VAC14: variants seen among roughly 807,000 people sequenced by gnomAD.
The protein encoded by VAC14 is protein VAC14 homolog.
Under a neutral mutation model 85.3 loss-of-function variants are expected in VAC14, and 47 were observed. The observed-to-expected ratio is 0.55, with a 90% CI of 0.44 to 0.70. VAC14 has a LOEUF of 0.70. Among genes scored for constraint, VAC14 ranks in the 30% least tolerant of loss-of-function variants. The pLI is 0.00. For synonymous variants in VAC14, 447 were observed against 430.5 expected, an observed-to-expected ratio of 1.04 and a Z score of -0.47; for missense variants, 861 against 1,004.3, an observed-to-expected ratio of 0.86 and a Z score of 1.93.
At chr16:70,764,112 G>C (rs1340344881) in intron 10 of VAC14, among the ~76,000 whole-genome samples, 1 of 152,220 alleles carries the variant, frequency 6.6e-6, no homozygotes, top group African/African-American at 2.4e-5. Context: ...AGGAACTGAT[G>C]GCTGTGCTTT....
intron 14 of VAC14, among the ~76,000 whole-genome samples, chr16:70,718,573 T>TA (rs1202785836): frequency 0.037 from 5,236 of 142,826 alleles, 92 homozygotes; most frequent in East Asian, 0.058. Flanking sequence ...GACTCCTTTT[T>TA]AAAAAAAAAA....
intron 9 of VAC14, 129 bp from the exon 10 acceptor site, chr16:70,772,301 C>A: frequency 1.3e-6 from 1 of 770,232 alleles, no homozygotes; most frequent in South Asian, 1.7e-5. Context: ...TCAAAAGGAC[C>A]ATGGCTCTGG....
chr16:70,778,422 C>CTTT (rs539138003), intron 9 of VAC14: 1 of 146,346 alleles, frequency 6.8e-6, no homozygotes, highest in Admixed American at 6.9e-5. Flanking sequence ...TAGGCACTGA[C>CTTT]TTTTTTTTTT....
At chr16:70,692,042 A>G in intron 18 of VAC14, 4 of 984,034 alleles carry the variant, frequency 4.1e-6, no homozygotes, top group Non-Finnish European at 4.8e-6. Flanking sequence ...GCTGGTTTCC[A>G]TGGCGACCTG....
chr16:70,791,251 CT>C (rs933818742), intron 1 of VAC14, among the ~76,000 whole-genome samples: 1 of 152,240 alleles, frequency 6.6e-6, no homozygotes, highest in Non-Finnish European at 1.5e-5. Context: ...ATCCAACCCC[CT>C]GCCTTTCCTG....
intron 12 of VAC14, 78 bp from the exon 13 acceptor site, chr16:70,744,657 G>A: frequency 2.0e-6 from 3 of 1,489,142 alleles, no homozygotes; most frequent in Non-Finnish European, 1.8e-6. Flanking sequence ...GCGGTTGGTG[G>A]CACACAGCCA....
At chr16:70,752,850 G>A (rs908250793) in intron 12 of VAC14, among the ~76,000 whole-genome samples, 5 of 152,282 alleles carry the variant, frequency 3.3e-5, no homozygotes, top group African/African-American at 1.2e-4. Flanking sequence ...CTCAGAGGAC[G>A]CTTCTGAGCA....
chr16:70,694,362 C>T (rs1020582275), intron 17 of VAC14, among the ~76,000 whole-genome samples: 2 of 152,172 alleles, frequency 1.3e-5, no homozygotes, highest in African/African-American at 2.4e-5. Context: ...GGGAGGCCCT[C>T]GGGGAAGTGT....
chr16:70,729,508 C>A (rs2143001155), intron 14 of VAC14, among the ~76,000 whole-genome samples: 1 of 152,268 alleles, frequency 6.6e-6, no homozygotes, highest in Non-Finnish European at 1.5e-5. Context: ...ACGCTCCACT[C>A]CCTCAACTCC....
chr16:70,729,739 T>C (rs973532690), intron 14 of VAC14, among the ~76,000 whole-genome samples: 6 of 152,048 alleles, frequency 3.9e-5, no homozygotes, highest in African/African-American at 1.4e-4. Context: ...GACCTCTTCT[T>C]AAGAACTCCC....
chr16:70,711,181 G>A (rs1486529403), intron 14 of VAC14, among the ~76,000 whole-genome samples: 1 of 152,214 alleles, frequency 6.6e-6, no homozygotes, highest in Non-Finnish European at 1.5e-5. Flanking sequence ...CATGGACCAC[G>A]TGCGGGCCTC....
intron 13 of VAC14, among the ~76,000 whole-genome samples, chr16:70,740,910 T>C (rs1432607001): frequency 6.6e-6 from 1 of 152,236 alleles, no homozygotes; most frequent in East Asian, 1.9e-4. Flanking sequence ...CGGGGGGCCC[T>C]GGGAACCATG....
At chr16:70,688,364 G>C (rs1041261653) in intron 18 of VAC14, 1 of 1,108,302 alleles carries the variant, frequency 9.0e-7, no homozygotes, top group Non-Finnish European at 1.1e-6. Context: ...AGCAGGCATC[G>C]CATTGGGAAG....
intron 1 of VAC14, among the ~76,000 whole-genome samples, chr16:70,796,506 G>C (rs1014254813): frequency 1.3e-5 from 2 of 152,082 alleles, no homozygotes; most frequent in Admixed American, 6.5e-5. Context: ...TCATGCAGTG[G>C]GGACGTCTTC....
rs1441964816 is a variant in VAC14, at chr16:70,782,465, GTGGTCCAGC to G, written c.812-471_812-463del. Among the ~76,000 whole-genome samples the G allele has an allele frequency of 2.0e-5, 3 of 152,218 alleles. 1 individual carries two copies. The highest frequency in any genetic ancestry group is 7.2e-5 in the African/African-American group (3 of 41,446). On this transcript the variant is annotated intron_variant, in intron 7 of 18. Coordinates refer to ENST00000261776, the MANE Select transcript of VAC14 (RefSeq NM_018052.5). ...GCTAGCCTGCTGGACGATGAGACAT[GTGGTCCAGC>G]TGCCCCCATGGTCCCGGCATGACAT...
chr16:70,780,018 ATTTTTTTTTTT>A (rs368861697), intron 9 of VAC14, among the ~76,000 whole-genome samples: 1 of 111,884 alleles, frequency 8.9e-6, no homozygotes, highest in African/African-American at 3.3e-5. Flanking sequence ...AATTTTTGTA[ATTTTTTTTTTT>A]TTTTTTTTTT....
At chr16:70,743,347 AG>A (rs1239915854) in intron 13 of VAC14, among the ~76,000 whole-genome samples, 1 of 152,222 alleles carries the variant, frequency 6.6e-6, no homozygotes, top group Non-Finnish European at 1.5e-5. Flanking sequence ...GGACCAAAAA[AG>A]GGAATAAAAG....
chr16:70,742,302 T>C (rs569517047), intron 13 of VAC14, among the ~76,000 whole-genome samples: 2 of 152,242 alleles, frequency 1.3e-5, no homozygotes, highest in Non-Finnish European at 2.9e-5. Context: ...CTGCTGCCCG[T>C]CTTCCGGTCA....
chr16:70,720,021 T>C (rs934367526), intron 14 of VAC14, among the ~76,000 whole-genome samples: 2 of 152,220 alleles, frequency 1.3e-5, no homozygotes, highest in Non-Finnish European at 2.9e-5. Context: ...TGTGAACTAC[T>C]GTGACATCCA....
Sources: allele counts gnomAD v4.1 joint callset (sites outside exome capture counted in the v4.1 genomes callset), GRCh38; gene constraint gnomAD v4.1.1; transcripts MANE v1.5; gene names NCBI Gene and HGNC (gene_info 2026-07-23, HGNC 2026-07-21).